The following GPC5 variants were observed in gnomAD, a reference collection of about 807,000 sequenced individuals.
GPC5 encodes the protein glypican-5.
GPC5 carries 47 observed loss-of-function variants against 53.9 expected under a neutral mutation model. The ratio of observed to expected loss-of-function variants is 0.87; its 90% confidence interval spans 0.69 to 1.11. The LOEUF (loss-of-function observed/expected upper bound fraction) is 1.11, where lower values mean the gene tolerates loss of function less well. Among genes scored for constraint, GPC5 ranks in the 50% most tolerant of loss-of-function variants. GPC5 has a pLI of 0.00. For synonymous variants in GPC5, 286 were observed against 263.3 expected (o/e 1.09, Z -0.84); for missense variants, 748 against 713.1 (o/e 1.05, Z -0.56).
At chr13:92,837,823 T>G (rs1242655798) in intron 7 of GPC5, among the ~76,000 whole-genome samples, 1 of 152,156 alleles carries the variant, frequency 6.6e-6, no homozygotes, top group African/African-American at 2.4e-5. Flanking sequence ...TCGGGCACAG[T>G]GGCTCATGCC....
intron 5 of GPC5, among the ~76,000 whole-genome samples, chr13:91,771,173 A>G (rs4771844): frequency 0.32 from 48,212 of 152,158 alleles, 9,264 homozygotes; most frequent in East Asian, 0.65. Context: ...GCATGAATAG[A>G]TAATTTACAG....
intron 2 of GPC5, among the ~76,000 whole-genome samples, chr13:91,466,034 A>C (rs1882214955): frequency 6.6e-6 from 1 of 152,150 alleles, no homozygotes; most frequent in African/African-American, 2.4e-5. Context: ...TGGGTCCCCC[A>C]CCAGGTTACT....
chr13:92,133,511 T>A (rs1483926959), intron 6 of GPC5, among the ~76,000 whole-genome samples: 1 of 152,198 alleles, frequency 6.6e-6, no homozygotes, highest in Non-Finnish European at 1.5e-5. Flanking sequence ...TTTGCAATCC[T>A]TCACAGTTCA....
At chr13:91,567,968 A>G (rs1358717375) in intron 2 of GPC5, among the ~76,000 whole-genome samples, 3 of 152,118 alleles carry the variant, frequency 2.0e-5, no homozygotes, top group Non-Finnish European at 4.4e-5. Flanking sequence ...TTCTTGTGAC[A>G]GTGAGTGAGT....
intron 7 of GPC5, among the ~76,000 whole-genome samples, chr13:92,244,362 TAGAG>T (rs774132723): frequency 2.0e-5 from 3 of 152,130 alleles, no homozygotes; most frequent in Non-Finnish European, 2.9e-5. Context: ...TAGAAAATAT[TAGAG>T]AGAGTGTAAC....
At chr13:91,938,718 C>G (rs1366385431) in intron 6 of GPC5, among the ~76,000 whole-genome samples, 1 of 152,036 alleles carries the variant, frequency 6.6e-6, no homozygotes, top group Non-Finnish European at 1.5e-5. Flanking sequence ...TTTTATCTGT[C>G]CTTATGAAAC....
chr13:91,899,364 A>G (rs1402434247), intron 5 of GPC5, among the ~76,000 whole-genome samples: 2 of 152,202 alleles, frequency 1.3e-5, no homozygotes, highest in East Asian at 3.8e-4. Flanking sequence ...GAGTAAAAAC[A>G]TAAAAGTTAA....
intron 7 of GPC5, among the ~76,000 whole-genome samples, chr13:92,666,540 C>G (rs144009617): frequency 1.5e-3 from 235 of 152,194 alleles, no homozygotes; most frequent in South Asian, 4.4e-3. Flanking sequence ...ATACATAGAT[C>G]AATTCTGACA....
intron 2 of GPC5, among the ~76,000 whole-genome samples, chr13:91,466,686 G>A (rs896265253): frequency 6.6e-6 from 1 of 152,042 alleles, no homozygotes; most frequent in African/African-American, 2.4e-5. Context: ...AGTATATTGA[G>A]AAGGAAAATT....
intron 7 of GPC5, among the ~76,000 whole-genome samples, chr13:92,411,451 T>A (rs1045406668): frequency 2.6e-5 from 4 of 152,184 alleles, no homozygotes; most frequent in African/African-American, 4.8e-5. Flanking sequence ...TGAGAATTGT[T>A]CCATGTAAAT....
At chr13:91,648,674 A>AT (rs897274578) in intron 2 of GPC5, among the ~76,000 whole-genome samples, 72 of 151,890 alleles carry the variant, frequency 4.7e-4, no homozygotes, top group African/African-American at 1.6e-3. Context: ...AGTCTTACAG[A>AT]TTTTTTTGCC....
At chr13:91,657,410 T>C (rs2034872719) in intron 2 of GPC5, among the ~76,000 whole-genome samples, 1 of 152,076 alleles carries the variant, frequency 6.6e-6, no homozygotes, top group Admixed American at 6.5e-5. Flanking sequence ...GGGGACAATT[T>C]TGCCTTCCAT....
At chr13:91,608,668 A>G (rs746244709) in intron 2 of GPC5, among the ~76,000 whole-genome samples, 99 of 152,140 alleles carry the variant, frequency 6.5e-4, no homozygotes, top group Non-Finnish European at 3.1e-4. Flanking sequence ...ACCTACAGCT[A>G]TCTAGGGCTG....
chr13:91,748,481 G>C (rs945816258), intron 4 of GPC5, among the ~76,000 whole-genome samples: 7 of 152,172 alleles, frequency 4.6e-5, no homozygotes, highest in African/African-American at 1.7e-4. Flanking sequence ...ATTCCTTGTA[G>C]GAGCTTCTAA....
At chr13:91,706,853 C>T (rs1255211909) in intron 3 of GPC5, among the ~76,000 whole-genome samples, 1 of 151,956 alleles carries the variant, frequency 6.6e-6, no homozygotes, top group Non-Finnish European at 1.5e-5. Context: ...ATAAAGAATG[C>T]AATCCATAGT....
intron 2 of GPC5, among the ~76,000 whole-genome samples, chr13:91,579,690 G>A (rs1233884657): frequency 1.4e-5 from 2 of 140,902 alleles, no homozygotes; most frequent in Non-Finnish European, 1.5e-5. Flanking sequence ...GTGAAGAGGC[G>A]CGATCTCGGC....
At chr13:92,164,035 G>A (rs1041046385) in intron 7 of GPC5, among the ~76,000 whole-genome samples, 1 of 152,158 alleles carries the variant, frequency 6.6e-6, no homozygotes, top group African/African-American at 2.4e-5. Context: ...ATCATGAGAA[G>A]AGCACAGGGG....
chr13:91,633,520 A>G (rs958230312), intron 2 of GPC5, among the ~76,000 whole-genome samples: 5 of 152,168 alleles, frequency 3.3e-5, no homozygotes, highest in Non-Finnish European at 7.4e-5. Context: ...GGTGAGAAAC[A>G]TATGTGATTT....
intron 2 of GPC5, among the ~76,000 whole-genome samples, chr13:91,566,866 A>C (rs1408999437): frequency 6.6e-6 from 1 of 152,130 alleles, no homozygotes; most frequent in African/African-American, 2.4e-5. Context: ...AATGTTGAGT[A>C]AATATTCATC....
Sources: gnomAD v4.1 joint callset for allele counts (sites outside exome capture counted in the v4.1 genomes callset) on GRCh38, gnomAD v4.1.1 for gene constraint, MANE v1.5 for transcripts, NCBI Gene and HGNC (gene_info 2026-07-23, HGNC 2026-07-21) for gene names.